Variants in ALK observed in about 807,000 individuals in gnomAD.
ALK encodes the protein ALK receptor tyrosine kinase, also known as ALK tyrosine kinase receptor.
Under a neutral mutation model 163.1 loss-of-function variants are expected in ALK, and 74 were observed. The ratio of observed to expected loss-of-function variants is 0.45; its 90% CI spans 0.38 to 0.55. The LOEUF is 0.55. ALK is among the 20% of genes least tolerant of loss of function. The pLI is 0.00. For missense variants in ALK, 2,063 were observed against 2,105.3 expected, an observed-to-expected ratio of 0.98 and a Z score of 0.39; for synonymous variants, 960 against 843.2, an observed-to-expected ratio of 1.14 and a Z score of -2.40.
chr2:29,900,265 C>A (rs1325171680), intron 1 of ALK, among the ~76,000 whole-genome samples: 1 of 152,188 alleles, frequency 6.6e-6, no homozygotes, highest in African/African-American at 2.4e-5. Context: ...CATGGGGTAC[C>A]ACCTGAGCAG....
rs760385645 is a variant in ALK, at chr2:29,227,344, G to A, written c.2914+230C>T. Among the ~76,000 whole-genome samples the A allele has an allele frequency of 1.3e-5, 2 of 152,218 alleles. No homozygotes were observed. The highest frequency in any genetic ancestry group is 2.9e-5 in the Non-Finnish European group (2 of 68,044). ...CATGATCTTTAGGTTGGCTGGTGCA[G>A]GTATTGGGCTATTACTGTTACATTT... On this transcript the variant is annotated intron_variant, in intron 17 of 28. Coordinates refer to ENST00000389048, the MANE Select transcript of ALK (RefSeq NM_004304.5). This position sits in a 1 kb window ranked among gnomAD's most constrained non-coding sequence, Gnocchi z 4.4.
At chr2:29,433,093 C>A (rs986743907) in intron 4 of ALK, among the ~76,000 whole-genome samples, 1 of 152,162 alleles carries the variant, frequency 6.6e-6, no homozygotes, top group Admixed American at 6.5e-5. Flanking sequence ...TCCAAAGTGA[C>A]CAGGCAAAGT....
Position 29,920,339 on chromosome 2 carries a change from C to T in ALK, c.321G>A (p.Gly107=), listed in dbSNP as rs1353027067. 4 of 1,551,466 alleles carry T rather than the reference C, an allele frequency of 2.6e-6. No homozygotes were observed. The East Asian group carries it at 7.3e-5, about 28-fold the overall frequency. Residue 107 remains glycine, a synonymous_variant, in exon 1 of 29, where the codon GGG becomes GGA. Coordinates refer to ENST00000389048, the MANE Select transcript of ALK (RefSeq NM_004304.5). The stretch of plus-strand genomic sequence containing the variant: ...CTGGTGAACCGGCGGTCCAGGAGAC[C>T]CCCGGCGCCGGCCCCAGCAACCTGA... ...PLLRLLGPAP[G]VSWTAGSPAP... is the part of the protein sequence containing the mutation.
At chr2:29,430,975 G>A (rs1477125625) in intron 4 of ALK, among the ~76,000 whole-genome samples, 2 of 151,580 alleles carry the variant, frequency 1.3e-5, no homozygotes, top group Non-Finnish European at 2.9e-5. Context: ...CAAAGAGGCT[G>A]CACTAGAAGG....
intron 1 of ALK, among the ~76,000 whole-genome samples, chr2:29,865,664 G>A (rs902916100): frequency 2.0e-5 from 3 of 152,150 alleles, no homozygotes; most frequent in Non-Finnish European, 4.4e-5. Context: ...AGGGGTATGC[G>A]GTTGGGGATT....
intron 3 of ALK, among the ~76,000 whole-genome samples, chr2:29,679,349 T>C (rs574404465): frequency 2.0e-5 from 3 of 151,998 alleles, no homozygotes; most frequent in South Asian, 4.1e-4. Context: ...CCTCTGTATC[T>C]TTCTTCCTTT....
chr2:29,221,149 G>C, intron 22 of ALK: 1 of 560,732 alleles, frequency 1.8e-6, no homozygotes, highest in South Asian at 1.5e-5. Flanking sequence ...AGATACTGGT[G>C]CGTGGACTGG....
chr2:29,726,014 G>A (rs2148313876), intron 1 of ALK, among the ~76,000 whole-genome samples: 1 of 152,288 alleles, frequency 6.6e-6, no homozygotes, highest in African/African-American at 2.4e-5. Flanking sequence ...TGCTGCAGGT[G>A]TGCTTGGTCA....
chr2:29,227,709 G>C lies in ALK; in HGVS notation c.2816-37C>G. ...ACCAGAGCAGAGTTTAACATGGGGG[G>C]TGGGTGCCAAAATCTTAACACACAC... On this transcript the variant is annotated intron_variant, in intron 16 of 28. Coordinates refer to ENST00000389048, the MANE Select transcript of ALK (RefSeq NM_004304.5). This position sits in a 1 kb window ranked among gnomAD's most constrained non-coding sequence, Gnocchi z 4.4. 6.4e-7 allele frequency: 1 copy of C among 1,558,268 alleles called. No individual in the cohort carries two copies.
At chr2:29,841,004 G>T (rs939315238) in intron 1 of ALK, among the ~76,000 whole-genome samples, 1 of 152,054 alleles carries the variant, frequency 6.6e-6, no homozygotes, top group Non-Finnish European at 1.5e-5. Flanking sequence ...TGCAGTCACC[G>T]CTCCAAGTAT....
intron 4 of ALK, among the ~76,000 whole-genome samples, chr2:29,522,438 G>A (rs779032681): frequency 1.3e-5 from 2 of 152,136 alleles, no homozygotes; most frequent in Admixed American, 6.5e-5. Flanking sequence ...AGGAAGGGAC[G>A]TGAATTCCTA....
chr2:29,348,836 A>G (rs1322479809), intron 5 of ALK, among the ~76,000 whole-genome samples: 1 of 152,218 alleles, frequency 6.6e-6, no homozygotes, highest in African/African-American at 2.4e-5. Flanking sequence ...CTATTATGTT[A>G]TCAGTGTTCA....
intron 3 of ALK, among the ~76,000 whole-genome samples, chr2:29,533,165 C>T (rs6716687): frequency 0.8 from 121,173 of 152,142 alleles, 48,670 homozygotes; most frequent in Non-Finnish European, 0.85. Flanking sequence ...AGCATAAGAC[C>T]GTGTCTGAGC....
intron 1 of ALK, among the ~76,000 whole-genome samples, chr2:29,856,356 G>A (rs745481344): frequency 1.3e-5 from 2 of 152,198 alleles, no homozygotes; most frequent in African/African-American, 4.8e-5. Flanking sequence ...TCAGCACAAA[G>A]TAAGTGTTCA....
intron 3 of ALK, among the ~76,000 whole-genome samples, chr2:29,649,147 T>C (rs1353986226): frequency 1.3e-5 from 2 of 151,944 alleles, no homozygotes; most frequent in Non-Finnish European, 2.9e-5. Flanking sequence ...CCTTTTATAG[T>C]GTGGGATTCA....
chr2:29,570,606 G>A (rs1674330778), intron 3 of ALK, among the ~76,000 whole-genome samples: 1 of 152,232 alleles, frequency 6.6e-6, no homozygotes, highest in African/African-American at 2.4e-5. Flanking sequence ...TGAGTCCTGG[G>A]AGAACATTTC....
intron 1 of ALK, among the ~76,000 whole-genome samples, chr2:29,774,373 C>G (rs1681112754): frequency 1.3e-5 from 2 of 152,200 alleles, no homozygotes; most frequent in South Asian, 4.1e-4. Flanking sequence ...CTTTCTTGTT[C>G]TCTGGTTCCC....
chr2:29,195,066 TA>T (rs1311503782), intron 28 of ALK, among the ~76,000 whole-genome samples: 5 of 152,170 alleles, frequency 3.3e-5, no homozygotes, highest in Non-Finnish European at 7.3e-5. Flanking sequence ...TGTTCGAGTT[TA>T]AAAAATAACT....
At chr2:29,618,625 G>A (rs558818203) in intron 3 of ALK, among the ~76,000 whole-genome samples, 35 of 152,178 alleles carry the variant, frequency 2.3e-4, no homozygotes, top group African/African-American at 8.2e-4. Flanking sequence ...AACCCCTGGT[G>A]CAAAGCTGCC....
Sources: gnomAD v4.1 joint callset for allele counts (sites outside exome capture counted in the v4.1 genomes callset) on GRCh38, gnomAD v4.1.1 for gene constraint, Gnocchi (gnomAD v3.1) non-coding constraint, MANE v1.5 for transcripts, NCBI Gene and HGNC (gene_info 2026-07-23, HGNC 2026-07-21) for gene names.